PTPRG: variants seen among roughly 807,000 people sequenced by gnomAD.
PTPRG encodes the protein receptor-type tyrosine-protein phosphatase gamma.
A neutral mutation model predicts 165.3 loss-of-function variants in PTPRG; 102 were observed. The ratio of observed to expected loss-of-function variants is 0.62; its 90% CI spans 0.53 to 0.73. The LOEUF (loss-of-function observed/expected upper bound fraction) is 0.73. Ranked by LOEUF, PTPRG falls within the 30% of genes least tolerant of loss-of-function variation. The probability of loss-of-function intolerance (pLI) is 0.00; values close to 1 mark genes in which losing one functional copy is unlikely to be tolerated. For synonymous variants in PTPRG, 675 were observed against 669.5 expected, an observed-to-expected ratio of 1.01 and a Z score of -0.13; for missense variants, 1,866 against 1,861.4, an observed-to-expected ratio of 1.00 and a Z score of -0.05.
At chr3:61,766,353 C>G (rs568764488) in intron 2 of PTPRG, among the ~76,000 whole-genome samples, 11 of 152,216 alleles carry the variant, frequency 7.2e-5, no homozygotes, top group African/African-American at 2.6e-4. Flanking sequence ...TTCTCACATC[C>G]CAGACTAATT....
Position 61,600,190 on chromosome 3 carries a change from A to ATGTGTGTGTGTGTGTGTG in PTPRG, c.85+37819_85+37820insGTGTGTGTGTGTGTGTGT, listed in dbSNP as rs1293051250. Reference sequence around the variant, plus strand: ...AAAAAAAAAATATATATATATATATATATGTGTGTGTGTGTGTGTGTGTGT... The same window carrying ATGTGTGTGTGTGTGTGTG: ...AAAAAAAAAATATATATATATATATATGTGTGTGTGTGTGTGTGTATGTGTGTGTGTGTGTGTGTGTGT... On this transcript the variant is annotated intron_variant, in intron 1 of 29. Coordinates refer to ENST00000474889, the MANE Select transcript of PTPRG (RefSeq NM_002841.4). Among the ~76,000 whole-genome samples, 665 of 118,314 alleles carry ATGTGTGTGTGTGTGTGTG rather than the reference A, an allele frequency of 5.6e-3. 4 individuals carry two copies. The highest frequency in any genetic ancestry group is 9.5e-3 in the East Asian group (39 of 4,114). The allele number at this position is 118,314 out of a possible 152,430, so 77.6% of individuals were successfully genotyped here. A position where few individuals can be genotyped will look rare whatever the true frequency, so the allele number is the denominator to read the frequency against.
At chr3:61,669,257 T>G (rs942760427) in intron 1 of PTPRG, among the ~76,000 whole-genome samples, 1 of 151,968 alleles carries the variant, frequency 6.6e-6, no homozygotes, top group Non-Finnish European at 1.5e-5. Flanking sequence ...CCAGTGGGGT[T>G]GATGGATGAT....
chr3:61,810,824 A>G (rs1243053358), intron 2 of PTPRG, among the ~76,000 whole-genome samples: 2 of 151,940 alleles, frequency 1.3e-5, no homozygotes, highest in Non-Finnish European at 2.9e-5. Context: ...AAGGGTTGTA[A>G]TGAGGGTAGC....
intron 1 of PTPRG, among the ~76,000 whole-genome samples, chr3:61,727,121 G>A (rs1349103096): frequency 6.6e-6 from 1 of 151,928 alleles, no homozygotes; most frequent in Non-Finnish European, 1.5e-5. Context: ...TCTGAGTGCT[G>A]TAGTTTTGAA....
At chr3:61,920,232 C>T (rs981956032) in intron 2 of PTPRG, among the ~76,000 whole-genome samples, 1 of 152,194 alleles carries the variant, frequency 6.6e-6, no homozygotes, top group Non-Finnish European at 1.5e-5. Flanking sequence ...AACCTCAAGA[C>T]AGTCCAGAGT....
chr3:61,879,296 A>T (rs1416552328), intron 2 of PTPRG, among the ~76,000 whole-genome samples: 1 of 152,156 alleles, frequency 6.6e-6, no homozygotes, highest in African/African-American at 2.4e-5. Flanking sequence ...CGTCCTCACG[A>T]TCAGCTCATA....
At chr3:61,879,594 CAATT>C (rs2037831541) in intron 2 of PTPRG, among the ~76,000 whole-genome samples, 1 of 152,130 alleles carries the variant, frequency 6.6e-6, no homozygotes, top group Non-Finnish European at 1.5e-5. Context: ...ACACTTTGCT[CAATT>C]AGTTTATTGG....
At chr3:62,211,114 A>G (rs979774138) in intron 12 of PTPRG, among the ~76,000 whole-genome samples, 4 of 152,254 alleles carry the variant, frequency 2.6e-5, no homozygotes, top group Non-Finnish European at 5.9e-5. Flanking sequence ...GTGTTCATCA[A>G]TGAGTGAATG....
At chr3:61,933,831 T>C (rs2039420305) in intron 2 of PTPRG, among the ~76,000 whole-genome samples, 1 of 152,204 alleles carries the variant, frequency 6.6e-6, no homozygotes, top group African/African-American at 2.4e-5. Context: ...GTTTTTTCTT[T>C]CTTTGGCATT....
chr3:62,076,279 C>A (rs1575972016), intron 4 of PTPRG, among the ~76,000 whole-genome samples: 1 of 151,752 alleles, frequency 6.6e-6, no homozygotes, highest in African/African-American at 2.4e-5. Flanking sequence ...AAAATGAGAC[C>A]CTATCTTAGA....
intron 2 of PTPRG, among the ~76,000 whole-genome samples, chr3:61,795,101 G>T (rs2035004098): frequency 6.6e-6 from 1 of 152,120 alleles, no homozygotes; most frequent in Non-Finnish European, 1.5e-5. Flanking sequence ...AGCCTTATCT[G>T]TTAATCCCTT....
intron 20 of PTPRG, among the ~76,000 whole-genome samples, chr3:62,269,832 A>C (rs891491256): frequency 1.3e-5 from 2 of 152,148 alleles, no homozygotes; most frequent in African/African-American, 4.8e-5. Flanking sequence ...TAATTGTGGA[A>C]GGTATGTTTC....
chr3:61,935,564 G>A (rs563375805), intron 2 of PTPRG, among the ~76,000 whole-genome samples: 2 of 152,126 alleles, frequency 1.3e-5, no homozygotes, highest in Admixed American at 1.3e-4. Context: ...AGGCATAAGG[G>A]CAGCTGGACA....
chr3:61,710,710 A>G (rs71629139), intron 1 of PTPRG, among the ~76,000 whole-genome samples: 18,592 of 152,022 alleles, frequency 0.12, 1,471 homozygotes, highest in East Asian at 0.17. Flanking sequence ...GGCCGAGGGA[A>G]GCTAAAAGAT....
At chr3:61,899,581 T>C (rs1366888645) in intron 2 of PTPRG, among the ~76,000 whole-genome samples, 1 of 152,022 alleles carries the variant, frequency 6.6e-6, no homozygotes, top group Non-Finnish European at 1.5e-5. Flanking sequence ...TTGTGCTGTC[T>C]ATGGAAAAAA....
intron 1 of PTPRG, among the ~76,000 whole-genome samples, chr3:61,630,963 G>GA (rs1022846317): frequency 5.9e-5 from 9 of 151,832 alleles, no homozygotes; most frequent in African/African-American, 2.2e-4. Context: ...GGGTGAGGAA[G>GA]AAAAATCGCT....
At chr3:61,575,335 G>T (rs1700150673) in intron 1 of PTPRG, among the ~76,000 whole-genome samples, 1 of 152,044 alleles carries the variant, frequency 6.6e-6, no homozygotes, top group Non-Finnish European at 1.5e-5. Flanking sequence ...CTTTAAATGG[G>T]GTTGAGGGAA....
intron 4 of PTPRG, among the ~76,000 whole-genome samples, chr3:62,004,900 A>T (rs1307797027): frequency 6.6e-6 from 1 of 152,122 alleles, no homozygotes; most frequent in Non-Finnish European, 1.5e-5. Context: ...AGACACATGC[A>T]TCTATCTACA....
intron 2 of PTPRG, among the ~76,000 whole-genome samples, chr3:61,800,807 C>A (rs954751700): frequency 1.1e-4 from 17 of 151,978 alleles, no homozygotes; most frequent in Non-Finnish European, 2.4e-4. Context: ...CCACGCCCAG[C>A]TAATTTTTGT....
Sources: gnomAD v4.1 joint callset for allele counts (sites outside exome capture counted in the v4.1 genomes callset) on GRCh38, gnomAD v4.1.1 for gene constraint, MANE v1.5 for transcripts, NCBI Gene and HGNC (gene_info 2026-07-23, HGNC 2026-07-21) for gene names.